The following AVL9 variants were observed in gnomAD, a reference collection of about 807,000 sequenced individuals.
AVL9 encodes late secretory pathway protein AVL9 homolog.
A neutral mutation model predicts 79.2 loss-of-function variants in AVL9; 49 were observed. The observed-to-expected ratio is 0.62, with a 90% CI of 0.49 to 0.79. The LOEUF (loss-of-function observed/expected upper bound fraction) is 0.79. AVL9 is among the 30% of genes least tolerant of loss of function. The pLI is 0.00. For missense variants in AVL9, 682 were observed against 776.8 expected (o/e 0.88, Z 1.45); for synonymous variants, 299 against 280.6 (o/e 1.07, Z -0.65).
intron 10 of AVL9, among the ~76,000 whole-genome samples, chr7:32,567,747 C>G (rs1790648147): frequency 1.3e-5 from 2 of 149,198 alleles, no homozygotes; most frequent in Admixed American, 6.7e-5. Flanking sequence ...AGAGTTTTGC[C>G]CTTGTCACCC....
intron 4 of AVL9, 116 bp downstream of exon 4, chr7:32,549,034 C>T: frequency 1.8e-6 from 1 of 553,736 alleles, no homozygotes; most frequent in Non-Finnish European, 2.9e-6. Flanking sequence ...ATTATTTATG[C>T]CCTAGCATCT....
chr7:32,580,792 T>C lies in AVL9; in HGVS notation c.1743-10T>C, dbSNP rs745832911. The C allele has an allele frequency of 4.4e-6, 7 of 1,608,416 alleles. No homozygotes were observed. In the Admixed American group the frequency reaches 1.0e-4, roughly 23 times the overall value. ...TACCTAACACTTCTTTTATCTTATC[T>C]TTTACCCAGTTCTGTTCAGAATAGT... On this transcript the variant is annotated splice_polypyrimidine_tract_variant and intron_variant, in intron 14 of 15. Transcript: ENST00000318709.
In AVL9 at chr7:32,559,299, G is replaced by A; in HGVS notation, c.1050G>A (p.Leu350=). 1.2e-6 allele frequency: 2 copies of A among 1,614,126 alleles called. No homozygotes were observed. Among genetic ancestry groups the A allele is most frequent in the Non-Finnish European group, 1.7e-6 (2 of 1,180,026 alleles). The change falls in exon 10 of 16, where the codon CTG becomes CTA. Residue 350 remains leucine (L), a synonymous_variant. Coordinates refer to ENST00000318709, the MANE Select transcript of AVL9 (RefSeq NM_015060.3). ...EDPNLKEREQ[L]GSDQTNLFPK... is the part of the protein sequence containing the mutation. ...CCAACTTGAAAGAAAGGGAACAGCT[G>A]GGATCAGACCAGACAAATTTGTTTC...
intron 1 of AVL9, among the ~76,000 whole-genome samples, chr7:32,520,809 A>G (rs757011402): frequency 1.3e-5 from 2 of 152,052 alleles, no homozygotes; most frequent in African/African-American, 2.4e-5. Flanking sequence ...TTAATAATAC[A>G]TAGGGGTAAT....
chr7:32,513,461 C>T (rs1473412689), intron 1 of AVL9, among the ~76,000 whole-genome samples: 1 of 152,234 alleles, frequency 6.6e-6, no homozygotes, highest in African/African-American at 2.4e-5. Context: ...TTCACCCAGA[C>T]ATTCTTTTCT....
chr7:32,536,940 G>T (rs529139182), intron 1 of AVL9: 1 of 152,320 alleles, frequency 6.6e-6, no homozygotes, highest in East Asian at 1.9e-4. Context: ...TTAGCATGCT[G>T]CCCTCCCAGC....
chr7:32,580,533 C>T (rs1175514375), intron 14 of AVL9, among the ~76,000 whole-genome samples: 6 of 152,198 alleles, frequency 3.9e-5, no homozygotes, highest in South Asian at 2.1e-4. Flanking sequence ...CCGTGGCTGT[C>T]GGAGAGATGC....
chr7:32,584,773 T>G lies in AVL9; in HGVS notation c.*866T>G, dbSNP rs867669394. 2.7e-4 allele frequency: 3 copies of G among 11,050 alleles called. No homozygotes were observed. The highest frequency in any genetic ancestry group is 8.4e-4 in the African/African-American group (2 of 2,374). 0.7% of individuals were successfully genotyped at this position (11,050 alleles called of 1,614,324 possible). The stretch of plus-strand genomic sequence containing the variant: ...TGTGCCATCTGTTTCTCTTTTTTTT[T>G]TTGGGGGGGGGGGGGGGGCGGGGTC... On this transcript the variant is annotated 3_prime_UTR_variant, in exon 16 of 16. Coordinates refer to ENST00000318709, the MANE Select transcript of AVL9 (RefSeq NM_015060.3).
At chr7:32,528,522 T>C (rs1028643636) in intron 1 of AVL9, among the ~76,000 whole-genome samples, 1 of 152,172 alleles carries the variant, frequency 6.6e-6, no homozygotes, top group Non-Finnish European at 1.5e-5. Context: ...TGTAGCCCCT[T>C]GATGGGGTAC....
In AVL9 at chr7:32,585,032, A is replaced by C. The variant is rs1791713081; in HGVS notation, c.*1125A>C. On this transcript the variant is annotated 3_prime_UTR_variant, in exon 16 of 16. Coordinates refer to ENST00000318709, the MANE Select transcript of AVL9 (RefSeq NM_015060.3). The stretch of plus-strand genomic sequence containing the variant: ...TGATCTGCCCGCCTCAGCCTCTCAA[A>C]GTGCTGGGACTACAGGCATGAGCCA... The C allele has an allele frequency of 6.6e-6, 1 of 152,222 alleles. No homozygotes were observed. The allele number at this position is 152,222 out of a possible 1,614,324, so 9.4% of individuals were successfully genotyped here.
chr7:32,532,908 A>G (rs1289054421), intron 1 of AVL9: 1 of 152,292 alleles, frequency 6.6e-6, no homozygotes, highest in Non-Finnish European at 1.5e-5. Flanking sequence ...AGTCCCAGCT[A>G]CTCAGGCTGA....
intron 1 of AVL9, among the ~76,000 whole-genome samples, chr7:32,521,400 A>G (rs1788147932): frequency 6.6e-6 from 1 of 152,128 alleles, no homozygotes. Flanking sequence ...GAGATGAGGA[A>G]CTTGTTGGGA....
chr7:32,545,954 A>T (rs1304745290), intron 3 of AVL9, among the ~76,000 whole-genome samples: 1 of 151,966 alleles, frequency 6.6e-6, no homozygotes, highest in African/African-American at 2.4e-5. Context: ...TGATTTAATG[A>T]TCTAGACATG....
chr7:32,586,043 C>T lies in AVL9; in HGVS notation c.*2136C>T, dbSNP rs1335339358. ...CTGTGAGGGGTCGTCCAGCAAGATG[C>T]TGATTTGTCTTTCAGTTGGTATGGT... On this transcript the variant is annotated 3_prime_UTR_variant, in exon 16 of 16. Coordinates refer to ENST00000318709, the MANE Select transcript of AVL9 (RefSeq NM_015060.3). The T allele has an allele frequency of 2.0e-5, 3 of 152,196 alleles. No individual in the cohort carries two copies. The highest frequency in any genetic ancestry group is 6.5e-5 in the Admixed American group (1 of 15,280). 9.4% of individuals were successfully genotyped at this position (152,196 alleles called of 1,614,324 possible). A position where few individuals can be genotyped will look rare whatever the true frequency, so the allele number is the denominator to read the frequency against.
intron 1 of AVL9, among the ~76,000 whole-genome samples, chr7:32,542,483 G>A (rs1184804853): frequency 6.6e-6 from 1 of 152,052 alleles, no homozygotes; most frequent in Non-Finnish European, 1.5e-5. Flanking sequence ...TTGAGCATGG[G>A]AGACAGAGGT....
At chr7:32,540,771 A>C (rs1050607397) in intron 1 of AVL9, among the ~76,000 whole-genome samples, 5 of 151,396 alleles carry the variant, frequency 3.3e-5, no homozygotes, top group Non-Finnish European at 5.9e-5. Context: ...CTGTTGTCAA[A>C]TATTCAGTCT....
intron 10 of AVL9, among the ~76,000 whole-genome samples, chr7:32,569,549 T>A (rs1001557871): frequency 6.6e-6 from 1 of 152,238 alleles, no homozygotes; most frequent in Non-Finnish European, 1.5e-5. Context: ...ATTTTTAACA[T>A]AGGACGGTAT....
At chr7:32,549,247 C>CA (rs1789689612) in intron 4 of AVL9, among the ~76,000 whole-genome samples, 1 of 145,602 alleles carries the variant, frequency 6.9e-6, no homozygotes, top group African/African-American at 2.6e-5. Context: ...TTTTTTGAGA[C>CA]AGAGTCTCAC....
At chr7:32,534,131 T>A (rs916451827) in intron 1 of AVL9, 2 of 152,230 alleles carry the variant, frequency 1.3e-5, no homozygotes, top group Non-Finnish European at 2.9e-5. Context: ...ATTTAGCATT[T>A]AGAAAAATTG....
Sources: gnomAD v4.1 joint callset for allele counts (sites outside exome capture counted in the v4.1 genomes callset) on GRCh38, gnomAD v4.1.1 for gene constraint, MANE v1.5 for transcripts, NCBI Gene and HGNC (gene_info 2026-07-23, HGNC 2026-07-21) for gene names.